Variants in SLC44A5 observed in about 807,000 individuals in gnomAD.
The protein encoded by SLC44A5 is solute carrier family 44 member 5.
Under a neutral mutation model 101.8 loss-of-function variants are expected in SLC44A5, and 57 were observed. The observed-to-expected ratio is 0.56, with a 90% CI of 0.45 to 0.70. SLC44A5 has a LOEUF of 0.70. Among genes scored for constraint, SLC44A5 ranks in the 30% least tolerant of loss-of-function variants. The probability of loss-of-function intolerance (pLI) is 0.00; values close to 1 mark genes in which losing one functional copy is unlikely to be tolerated. For missense variants in SLC44A5, 737 were observed against 853.1 expected (o/e 0.86, Z 1.70); for synonymous variants, 281 against 290.9 (o/e 0.97, Z 0.35).
At chr1:75,237,962 G>A (rs1251892364) in intron 10 of SLC44A5, among the ~76,000 whole-genome samples, 1 of 151,864 alleles carries the variant, frequency 6.6e-6, no homozygotes, top group Non-Finnish European at 1.5e-5. Context: ...GTGCACACAG[G>A]GAAATATATT....
intron 12 of SLC44A5, among the ~76,000 whole-genome samples, chr1:75,230,165 T>C (rs1408037938): frequency 1.3e-5 from 2 of 152,222 alleles, no homozygotes; most frequent in Non-Finnish European, 2.9e-5. Flanking sequence ...CTCTTCTTCA[T>C]GTATGCCTGG....
chr1:75,479,700 G>C (rs1667699750), intron 2 of SLC44A5, among the ~76,000 whole-genome samples: 1 of 151,838 alleles, frequency 6.6e-6, no homozygotes, highest in Admixed American at 6.6e-5. Context: ...GACTAAACCA[G>C]GAAGAAGTTG....
chr1:75,427,188 T>C, intron 2 of SLC44A5, among the ~76,000 whole-genome samples: 1 of 152,218 alleles, frequency 6.6e-6, no homozygotes, highest in East Asian at 1.9e-4. Context: ...AGCGAGATTC[T>C]CTCAGCTTGG....
the SLC44A5 span, among the ~76,000 whole-genome samples, chr1:75,666,166 C>T: frequency 1.3e-5 from 2 of 152,102 alleles, no homozygotes; most frequent in African/African-American, 4.8e-5. Context: ...AAGACACATG[C>T]ACTCACATGT....
intron 3 of SLC44A5, among the ~76,000 whole-genome samples, chr1:75,386,139 A>G (rs1260652924): frequency 6.6e-6 from 1 of 151,868 alleles, no homozygotes. Context: ...TTCCCTTTGA[A>G]AACTGGCACA....
At chr1:75,465,355 A>G (rs185562029) in intron 2 of SLC44A5, among the ~76,000 whole-genome samples, 17 of 152,244 alleles carry the variant, frequency 1.1e-4, no homozygotes, top group African/African-American at 3.6e-4. Flanking sequence ...ATTTCTTGAA[A>G]CGAATGATAA....
intron 4 of SLC44A5, among the ~76,000 whole-genome samples, chr1:75,305,352 T>C (rs1482322648): frequency 6.6e-6 from 1 of 152,318 alleles, no homozygotes; most frequent in African/African-American, 2.4e-5. Flanking sequence ...GGTCTCTTAA[T>C]TGGGATTTTG....
chr1:75,679,917 G>T, the SLC44A5 span, among the ~76,000 whole-genome samples: 160 of 152,266 alleles, frequency 1.1e-3, no homozygotes, highest in African/African-American at 3.7e-3. Flanking sequence ...GATGGAGGAA[G>T]ATCTACCAAG....
chr1:75,676,715 T>G, the SLC44A5 span, among the ~76,000 whole-genome samples: 1 of 152,158 alleles, frequency 6.6e-6, no homozygotes, highest in Non-Finnish European at 1.5e-5. Context: ...TTTAAAGGTA[T>G]AGTAACAAAA....
chr1:75,265,065 A>G (rs1488554097), intron 6 of SLC44A5, among the ~76,000 whole-genome samples: 2 of 152,202 alleles, frequency 1.3e-5, no homozygotes, highest in African/African-American at 4.8e-5. Context: ...CAAGAAATAG[A>G]AAAACCAAAC....
At chr1:75,576,000 T>C (rs1221189430) in intron 1 of SLC44A5, among the ~76,000 whole-genome samples, 4 of 151,638 alleles carry the variant, frequency 2.6e-5, no homozygotes, top group South Asian at 2.1e-4. Context: ...ACCAGAAATG[T>C]AGTAGCCAAA....
chr1:75,640,686 T>C, the SLC44A5 span, among the ~76,000 whole-genome samples: 1 of 152,066 alleles, frequency 6.6e-6, no homozygotes, highest in East Asian at 1.9e-4. Context: ...CAGACCTTCA[T>C]AGGAAGAAGA....
chr1:75,283,237 C>T (rs1323992873), intron 5 of SLC44A5, among the ~76,000 whole-genome samples: 3 of 151,810 alleles, frequency 2.0e-5, no homozygotes, highest in Admixed American at 1.3e-4. Flanking sequence ...TTTGCATTAC[C>T]CTGGTAATTA....
At chr1:75,339,543 T>G in intron 4 of SLC44A5, 39 bp downstream of exon 4, 1 of 1,560,082 alleles carries the variant, frequency 6.4e-7, no homozygotes, top group Non-Finnish European at 8.7e-7. Flanking sequence ...TTTCTGTGTA[T>G]GTTTAAAAAA....
chr1:75,720,470 G>A, the SLC44A5 span: 2 of 152,084 alleles, frequency 1.3e-5, no homozygotes, highest in Non-Finnish European at 2.9e-5. Context: ...CTTGAGAGAT[G>A]GTTCTATTCC....
intron 9 of SLC44A5, among the ~76,000 whole-genome samples, chr1:75,241,421 T>C (rs1648621096): frequency 6.6e-6 from 1 of 151,968 alleles, no homozygotes; most frequent in Admixed American, 6.6e-5. Context: ...AGAGACAGGG[T>C]TTCACTATGT....
chr1:75,397,467 A>T (rs928620622), intron 2 of SLC44A5, among the ~76,000 whole-genome samples: 1 of 152,160 alleles, frequency 6.6e-6, no homozygotes, highest in African/African-American at 2.4e-5. Context: ...CAAATCATTG[A>T]GAGTCAGAGT....
chr1:75,668,379 A>C, the SLC44A5 span, among the ~76,000 whole-genome samples: 2 of 119,196 alleles, frequency 1.7e-5, no homozygotes, highest in East Asian at 2.8e-4. Context: ...GCTGAAGTGC[A>C]GTGGCATAAT....
At chr1:75,680,904 A>G in the SLC44A5 span, among the ~76,000 whole-genome samples, 1 of 151,024 alleles carries the variant, frequency 6.6e-6, no homozygotes, top group Admixed American at 6.6e-5. Context: ...AATCAAATAG[A>G]CGCAATAAAA....
Sources: gnomAD v4.1 joint callset for allele counts (sites outside exome capture counted in the v4.1 genomes callset) on GRCh38, gnomAD v4.1.1 for gene constraint, MANE v1.5 for transcripts, NCBI Gene and HGNC (gene_info 2026-07-23, HGNC 2026-07-21) for gene names.